COL24A1: variants seen among roughly 807,000 people sequenced by gnomAD.
COL24A1 encodes collagen alpha-1(XXIV) chain.
Under a neutral mutation model 253.9 loss-of-function variants are expected in COL24A1, and 224 were observed. The observed-to-expected ratio is 0.88, with a 90% CI of 0.79 to 0.99. COL24A1 has a LOEUF of 0.99. COL24A1 is among the 50% of genes least tolerant of loss of function. COL24A1 has a pLI of 0.00. For synonymous variants in COL24A1, 685 were observed against 673.7 expected (o/e 1.02, Z -0.26); for missense variants, 2,131 against 2,068.5 (o/e 1.03, Z -0.59).
chr1:86,068,071 A>G (rs10443173), intron 7 of COL24A1, among the ~76,000 whole-genome samples: 27,719 of 152,222 alleles, frequency 0.18, 2,760 homozygotes, highest in East Asian at 0.29. Flanking sequence ...TCAGTTTACA[A>G]AGGAGGGCAG....
intron 10 of COL24A1, among the ~76,000 whole-genome samples, chr1:86,052,898 T>A (rs1021469213): frequency 6.6e-6 from 1 of 152,022 alleles, no homozygotes; most frequent in Non-Finnish European, 1.5e-5. Flanking sequence ...TCTTGAAAAC[T>A]TTTTTAGGTG....
At chr1:85,801,976 T>C (rs1054999368) in intron 47 of COL24A1, among the ~76,000 whole-genome samples, 1 of 152,142 alleles carries the variant, frequency 6.6e-6, no homozygotes, top group Non-Finnish European at 1.5e-5. Flanking sequence ...CCCAATCAAA[T>C]ATCAAGTCCT....
In COL24A1 at chr1:85,816,846, G is replaced by C; in HGVS notation, c.3893C>G (p.Ala1298Gly). 1 of 1,614,028 alleles carries C rather than the reference G, an allele frequency of 6.2e-7. No individual in the cohort carries two copies. Reference protein sequence around the residue: ...GPKGIQGYHGADGISGNPGKI... With the variant: ...GPKGIQGYHGGDGISGNPGKI... ...TCCAGGGTTTCCTGAAATGCCATCT[G>C]CTCCATGGTATCCTTGTATGCCTTT... is the stretch of plus-strand genomic sequence containing the variant. Residue 1298 changes from alanine to glycine, a missense_variant, in exon 47 of 60, where the codon GCA becomes GGA. By Grantham distance (60) the Ala-to-Gly change is moderately conservative (BLOSUM62 0). Transcript: ENST00000370571.
chr1:85,827,577 G>A (rs993805883), intron 43 of COL24A1, among the ~76,000 whole-genome samples: 9 of 152,088 alleles, frequency 5.9e-5, no homozygotes, highest in Middle Eastern at 3.4e-3. Context: ...TGGTTGGTAA[G>A]CTATTGATTA....
At chr1:86,140,895 TA>T (rs1011562520) in intron 2 of COL24A1, among the ~76,000 whole-genome samples, 2 of 152,186 alleles carry the variant, frequency 1.3e-5, no homozygotes, top group African/African-American at 2.4e-5. Context: ...AACTTGGACA[TA>T]AAAAATATAC....
intron 57 of COL24A1, among the ~76,000 whole-genome samples, chr1:85,743,900 TTG>T (rs1276415915): frequency 6.6e-6 from 1 of 151,956 alleles, no homozygotes; most frequent in East Asian, 1.9e-4. Context: ...ATGTGCGTGT[TTG>T]TGTGTGTGTG....
chr1:86,033,520 T>C (rs1698755167), intron 13 of COL24A1, among the ~76,000 whole-genome samples: 1 of 152,114 alleles, frequency 6.6e-6, no homozygotes, highest in Non-Finnish European at 1.5e-5. Flanking sequence ...CAATGACAGG[T>C]TTGAGTCCAA....
At chr1:85,746,959 C>A (rs191822452) in intron 55 of COL24A1, among the ~76,000 whole-genome samples, 2 of 152,134 alleles carry the variant, frequency 1.3e-5, no homozygotes, top group South Asian at 2.1e-4. Context: ...ACTTGGTCCC[C>A]TGCTGGTGAT....
At chr1:85,811,962 G>A (rs1255022058) in intron 47 of COL24A1, among the ~76,000 whole-genome samples, 1 of 152,172 alleles carries the variant, frequency 6.6e-6, no homozygotes, top group East Asian at 1.9e-4. Flanking sequence ...TCCCATAAGA[G>A]AAACCCTGCT....
intron 53 of COL24A1, among the ~76,000 whole-genome samples, chr1:85,769,360 G>A (rs67597676): frequency 0.073 from 11,115 of 152,042 alleles, 535 homozygotes; most frequent in Admixed American, 0.11. Context: ...AATATAAGGC[G>A]TCTCAGGAAG....
intron 12 of COL24A1, among the ~76,000 whole-genome samples, chr1:86,045,569 A>G (rs1358436988): frequency 6.6e-6 from 1 of 152,144 alleles, no homozygotes; most frequent in African/African-American, 2.4e-5. Context: ...TAAAAAAAAA[A>G]ATTAACACAC....
chr1:85,969,295 G>A (rs531343006), intron 22 of COL24A1, among the ~76,000 whole-genome samples: 22 of 152,008 alleles, frequency 1.4e-4, no homozygotes, highest in Admixed American at 4.6e-4. Flanking sequence ...CTTTTTAAAC[G>A]TAAAAGCATT....
chr1:85,822,219 G>A (rs1673704510), intron 45 of COL24A1, among the ~76,000 whole-genome samples: 1 of 152,172 alleles, frequency 6.6e-6, no homozygotes, highest in Admixed American at 6.6e-5. Context: ...CTAGGTAAGT[G>A]AATGCCTATT....
rs1268723165 is a variant in COL24A1, at chr1:85,937,860, C to A, written c.2562+23389G>T. Among the ~76,000 whole-genome samples the A allele has an allele frequency of 2.7e-5, 4 of 147,534 alleles. 1 individual carries two copies. Among genetic ancestry groups the A allele is most frequent in the Non-Finnish European group, 6.0e-5 (4 of 66,726 alleles). On this transcript the variant is annotated intron_variant, in intron 24 of 59. Transcript: ENST00000370571. The stretch of plus-strand genomic sequence containing the variant: ...CTTTGAAAATGGGTGGCCTTCCCCA[C>A]ACTGAGGCCTCAATTAGTACCAGTA...
chr1:85,915,153 T>G (rs1685773494), intron 24 of COL24A1, among the ~76,000 whole-genome samples: 1 of 152,160 alleles, frequency 6.6e-6, no homozygotes, highest in Non-Finnish European at 1.5e-5. Context: ...CTGTTGAGGA[T>G]CTGAATAAAA....
At chr1:85,793,421 AAG>A (rs898992386) in intron 47 of COL24A1, among the ~76,000 whole-genome samples, 6 of 151,986 alleles carry the variant, frequency 3.9e-5, no homozygotes, top group African/African-American at 1.5e-4. Flanking sequence ...GAAATAGAGG[AAG>A]AGAGAGGAAA....
chr1:86,038,787 G>A (rs1456890844), intron 12 of COL24A1, among the ~76,000 whole-genome samples: 1 of 152,014 alleles, frequency 6.6e-6, no homozygotes, highest in East Asian at 1.9e-4. Context: ...GGGAGGAAGT[G>A]AGGCCTCCCA....
Position 85,911,287 on chromosome 1 carries a change from T to C in COL24A1, c.2616+93A>G, listed in dbSNP as rs2102930440. ...GGTAATGTGCTAAAGTTATAAGTGA[T>C]TTCTAATTAACATAAAAGATCATAT... On this transcript the variant is annotated intron_variant, in intron 25 of 59. Transcript: ENST00000370571. The C allele has an allele frequency of 5.1e-6, 5 of 974,502 alleles. No homozygotes were observed. The East Asian group carries it at 1.2e-4, about 24-fold the overall frequency. The allele number at this position is 974,502 out of a possible 1,614,324, so 60.4% of individuals were successfully genotyped here.
At chr1:85,836,076 T>A (rs1201975616) in intron 43 of COL24A1, among the ~76,000 whole-genome samples, 1 of 152,222 alleles carries the variant, frequency 6.6e-6, no homozygotes. Context: ...TTCCCCAGTT[T>A]ACTAATCTTA....
Sources: allele counts gnomAD v4.1 joint callset (sites outside exome capture counted in the v4.1 genomes callset), GRCh38; gene constraint gnomAD v4.1.1; transcripts MANE v1.5; gene names NCBI Gene and HGNC (gene_info 2026-07-23, HGNC 2026-07-21).